PPP2R2A: variants seen among roughly 807,000 people sequenced by gnomAD.
PPP2R2A encodes serine/threonine-protein phosphatase 2A 55 kDa regulatory subunit B alpha isoform.
Under a neutral mutation model 53.2 loss-of-function variants are expected in PPP2R2A, and 9 were observed. The ratio of observed to expected loss-of-function variants is 0.17; its 90% CI spans 0.10 to 0.30. The LOEUF (loss-of-function observed/expected upper bound fraction) is 0.30. Ranked by LOEUF, PPP2R2A falls within the 10% of genes least tolerant of loss-of-function variation. The pLI is 1.00. For synonymous variants in PPP2R2A, 169 were observed against 174.2 expected (o/e 0.97, Z 0.23); for missense variants, 235 against 534.6 (o/e 0.44, Z 5.53).
intron 2 of PPP2R2A, among the ~76,000 whole-genome samples, chr8:26,296,477 C>T (rs1801544163): frequency 6.6e-6 from 1 of 152,224 alleles, no homozygotes; most frequent in Non-Finnish European, 1.5e-5. Context: ...TTACCAGGAT[C>T]CTGCTCATCT....
In PPP2R2A at chr8:26,372,174, A is replaced by G. The variant is rs960212941; in HGVS notation, c.*1761A>G. On this transcript the variant is annotated 3_prime_UTR_variant, in exon 10 of 10. Transcript: ENST00000380737. The stretch of plus-strand genomic sequence containing the variant: ...ATTACTGTATCTTTTGGATTTAACA[A>G]ATTTGTATTTGAAACACATTCTATG... 2 of 152,204 alleles carry G rather than the reference A, an allele frequency of 1.3e-5. No individual in the cohort carries two copies. The highest frequency in any genetic ancestry group is 2.4e-5 in the African/African-American group (1 of 41,444). The allele number at this position is 152,204 out of a possible 1,614,324, so 9.4% of individuals were successfully genotyped here.
rs751606104 is a variant in PPP2R2A at position 26,315,502 on chromosome 8, C to CA, written c.82+21765dup. Among the ~76,000 whole-genome samples the CA allele has an allele frequency of 5.9e-4, 90 of 152,296 alleles. 4 individuals are homozygous for CA. The South Asian group carries it at 0.016, about 27-fold the overall frequency. On this transcript the variant is annotated intron_variant, in intron 2 of 9. Coordinates refer to ENST00000380737, the MANE Select transcript of PPP2R2A (RefSeq NM_002717.4). ...TGACGCCTCACCACCAGCTTCCTCTCAAATTGATACCTTCTCAAGGTCAGG... is the reference window on the plus strand; with the variant it reads ...TGACGCCTCACCACCAGCTTCCTCTCAAAATTGATACCTTCTCAAGGTCAGG...
rs1805606254 is a variant in PPP2R2A at position 26,370,281 on chromosome 8, G to A, written c.1212G>A (p.Lys404=). The A allele has an allele frequency of 6.2e-7, 1 of 1,614,166 alleles. No individual in the cohort carries two copies. The stretch of plus-strand genomic sequence containing the variant: ...AAGTCTGTGCAAGTGGCAAGCGAAA[G>A]AAAGATGAAATAAGTGTTGACAGCC... ...PRKVCASGKR[K]KDEISVDSLD... is the part of the protein sequence containing the mutation. Residue 404 remains lysine (K), a synonymous_variant, in exon 10 of 10, where the codon AAG becomes AAA. Transcript: ENST00000380737. This position sits in a 1 kb window ranked among gnomAD's most constrained non-coding sequence, Gnocchi z 6.1.
intron 2 of PPP2R2A, among the ~76,000 whole-genome samples, chr8:26,327,194 A>G (rs1379717910): frequency 1.3e-5 from 2 of 152,170 alleles, no homozygotes; most frequent in Non-Finnish European, 2.9e-5. Flanking sequence ...AGAGTATGTT[A>G]CATAAGCATT....
Position 26,291,588 on chromosome 8 carries a change from CGCCGCT to C in PPP2R2A, c.-227_-222del. 1 of 557,856 alleles carries C rather than the reference CGCCGCT, an allele frequency of 1.8e-6. No individual in the cohort carries two copies. The highest frequency in any genetic ancestry group is 2.0e-5 in the African/African-American group (1 of 50,244). The allele number at this position is 557,856 out of a possible 1,614,324, so 34.6% of individuals were successfully genotyped here. ...CCGCCGTCGCTGTCGTAGTCGCCGC[CGCCGCT>C]GCCGGAGAAAGAGCACGAGCGGGGA... is the stretch of plus-strand genomic sequence containing the variant. On this transcript the variant is annotated 5_prime_UTR_variant, in exon 1 of 10. Coordinates refer to ENST00000380737, the MANE Select transcript of PPP2R2A (RefSeq NM_002717.4).
intron 3 of PPP2R2A, among the ~76,000 whole-genome samples, chr8:26,348,923 A>C (rs1210750964): frequency 6.6e-6 from 1 of 152,098 alleles, no homozygotes; most frequent in African/African-American, 2.4e-5. Flanking sequence ...TGTACATATC[A>C]CTTTGTAATG....
intron 3 of PPP2R2A, 24 bp downstream of exon 3, chr8:26,339,011 T>C: frequency 6.5e-7 from 1 of 1,529,982 alleles, no homozygotes; most frequent in Non-Finnish European, 9.0e-7. Flanking sequence ...GTTTATTGTC[T>C]AAATTTCAGT....
At chr8:26,357,301 A>C (rs1407141208) in intron 4 of PPP2R2A, among the ~76,000 whole-genome samples, 1 of 129,758 alleles carries the variant, frequency 7.7e-6, no homozygotes, top group East Asian at 2.7e-4. Flanking sequence ...CCCCCAATAT[A>C]ATGGGTCTAT....
chr8:26,364,888 T>C (rs751787529), intron 8 of PPP2R2A, among the ~76,000 whole-genome samples: 3 of 152,184 alleles, frequency 2.0e-5, no homozygotes, highest in Non-Finnish European at 4.4e-5. Context: ...GGGCCAAAAC[T>C]TCACGTGTGG....
intron 2 of PPP2R2A, among the ~76,000 whole-genome samples, chr8:26,324,390 T>C (rs765452576): frequency 6.6e-6 from 1 of 152,218 alleles, no homozygotes; most frequent in Non-Finnish European, 1.5e-5. Flanking sequence ...GGATTTTTGT[T>C]TGTCTTACTC....
At chr8:26,323,773 C>T (rs925455788) in intron 2 of PPP2R2A, among the ~76,000 whole-genome samples, 1 of 152,134 alleles carries the variant, frequency 6.6e-6, no homozygotes, top group Non-Finnish European at 1.5e-5. Context: ...GGAAGCCCTC[C>T]AAACTCCGTG....
intron 2 of PPP2R2A, among the ~76,000 whole-genome samples, chr8:26,296,311 C>A (rs1387427558): frequency 6.6e-6 from 1 of 152,148 alleles, no homozygotes; most frequent in Non-Finnish European, 1.5e-5. Flanking sequence ...TGACCTTTGC[C>A]CAATATGGCC....
At chr8:26,363,918 A>G in intron 8 of PPP2R2A, 28 bp downstream of exon 8, 2 of 1,536,760 alleles carry the variant, frequency 1.3e-6, no homozygotes, top group Admixed American at 3.7e-5. Flanking sequence ...TTCAATGAGC[A>G]TATACCCTGT....
At chr8:26,343,362 G>A (rs2117341670) in intron 3 of PPP2R2A, among the ~76,000 whole-genome samples, 1 of 151,276 alleles carries the variant, frequency 6.6e-6, no homozygotes, top group South Asian at 2.1e-4. Context: ...AGTAAATCCT[G>A]TAGACTTCTC....
At chr8:26,328,082 AG>A (rs1803185500) in intron 2 of PPP2R2A, among the ~76,000 whole-genome samples, 1 of 152,218 alleles carries the variant, frequency 6.6e-6, no homozygotes, top group African/African-American at 2.4e-5. Flanking sequence ...TGCAAGATGC[AG>A]GCATATGTTA....
intron 2 of PPP2R2A, among the ~76,000 whole-genome samples, chr8:26,315,403 T>A (rs1037896234): frequency 3.3e-5 from 5 of 152,180 alleles, no homozygotes; most frequent in African/African-American, 1.2e-4. Context: ...GCTGCTGACA[T>A]TCTGGGAGCC....
At chr8:26,292,240 G>T in intron 1 of PPP2R2A, 3 of 1,039,608 alleles carry the variant, frequency 2.9e-6, no homozygotes, top group Non-Finnish European at 3.5e-6. Context: ...CCTGCTGCAA[G>T]CCTTCTTGGG....
intron 3 of PPP2R2A, among the ~76,000 whole-genome samples, chr8:26,353,952 C>CT (rs1403830935): frequency 6.6e-6 from 1 of 151,924 alleles, no homozygotes; most frequent in Non-Finnish European, 1.5e-5. Flanking sequence ...TATAAGAGCT[C>CT]TTTTTTTAAG....
At chr8:26,291,904 C>G in intron 1 of PPP2R2A, 78 bp downstream of exon 1, 1 of 1,578,068 alleles carries the variant, frequency 6.3e-7, no homozygotes, top group Non-Finnish European at 8.6e-7. Flanking sequence ...TAGCGACCGC[C>G]CGCGCCTCGC....
Sources: gnomAD v4.1 joint callset for allele counts (sites outside exome capture counted in the v4.1 genomes callset) on GRCh38, gnomAD v4.1.1 for gene constraint, Gnocchi (gnomAD v3.1) non-coding constraint, MANE v1.5 for transcripts, NCBI Gene and HGNC (gene_info 2026-07-23, HGNC 2026-07-21) for gene names.